Variants in GALNT13 observed in about 807,000 individuals in gnomAD.
The protein encoded by GALNT13 is polypeptide N-acetylgalactosaminyltransferase 13, also known as UDP-GalNAc:polypeptide N-acetylgalactosaminyltransferase 13.
In GALNT13, 28 loss-of-function variants were observed where a neutral mutation model predicts 64.2. The ratio of observed to expected loss-of-function variants is 0.44; its 90% confidence interval spans 0.32 to 0.60. The LOEUF is 0.60. GALNT13 is among the 20% of genes least tolerant of loss of function. The pLI, the probability that GALNT13 is intolerant of heterozygous loss-of-function variation, is 0.05. For synonymous variants in GALNT13, 214 were observed against 224.6 expected, an observed-to-expected ratio of 0.95 and a Z score of 0.42; for missense variants, 577 against 669.8, an observed-to-expected ratio of 0.86 and a Z score of 1.53.
chr2:153,645,775 C>A, the GALNT13 span, among the ~76,000 whole-genome samples: 2 of 152,084 alleles, frequency 1.3e-5, no homozygotes, highest in Non-Finnish European at 2.9e-5. Flanking sequence ...TTCACAGGAT[C>A]TTCATTTTAC....
chr2:153,321,777 AGG>A, the GALNT13 span, among the ~76,000 whole-genome samples: 1 of 152,180 alleles, frequency 6.6e-6, no homozygotes, highest in African/African-American at 2.4e-5. Context: ...GGGAAGCCTC[AGG>A]GCAGTACATG....
the GALNT13 span, among the ~76,000 whole-genome samples, chr2:153,522,579 T>C: frequency 1.3e-5 from 2 of 152,176 alleles, no homozygotes; most frequent in African/African-American, 4.8e-5. Flanking sequence ...TATAGTGGTA[T>C]CTTGTTGTTT....
the GALNT13 span, among the ~76,000 whole-genome samples, chr2:153,358,079 T>G: frequency 1.3e-5 from 2 of 152,198 alleles, no homozygotes; most frequent in Non-Finnish European, 2.9e-5. Context: ...TGCTTGCAGT[T>G]CTGCAGGCTA....
At chr2:153,534,352 T>C in the GALNT13 span, among the ~76,000 whole-genome samples, 1 of 152,100 alleles carries the variant, frequency 6.6e-6, no homozygotes, top group Non-Finnish European at 1.5e-5. Flanking sequence ...GGTCTCAGTT[T>C]TTTTTCATAG....
chr2:153,621,749 A>C, the GALNT13 span, among the ~76,000 whole-genome samples: 1 of 152,076 alleles, frequency 6.6e-6, no homozygotes, highest in Non-Finnish European at 1.5e-5. Flanking sequence ...CACAGAGAGT[A>C]CTGCCAGATT....
At chr2:154,059,951 A>G (rs11890278) in intron 3 of GALNT13, among the ~76,000 whole-genome samples, 57,138 of 152,000 alleles carry the variant, frequency 0.38, 11,246 homozygotes, top group Middle Eastern at 0.6. Flanking sequence ...TCCAAAATTC[A>G]TATGTTGAAA....
chr2:154,366,952 A>G (rs1697397902), intron 9 of GALNT13, among the ~76,000 whole-genome samples: 1 of 152,188 alleles, frequency 6.6e-6, no homozygotes, highest in Non-Finnish European at 1.5e-5. Context: ...TATGAATGAT[A>G]TGTAAAGGAA....
intron 4 of GALNT13, among the ~76,000 whole-genome samples, chr2:154,226,838 T>C (rs959253667): frequency 7.2e-5 from 11 of 152,294 alleles, no homozygotes; most frequent in African/African-American, 2.6e-4. Context: ...ATTCATGATA[T>C]TCAATTTCAG....
intron 4 of GALNT13, among the ~76,000 whole-genome samples, chr2:154,149,293 G>C (rs1244500128): frequency 6.6e-6 from 1 of 152,132 alleles, no homozygotes; most frequent in African/African-American, 2.4e-5. Flanking sequence ...CTATATCTCT[G>C]TTTTGATACC....
chr2:153,994,570 CA>C (rs1460622703), intron 3 of GALNT13, among the ~76,000 whole-genome samples: 1 of 152,166 alleles, frequency 6.6e-6, no homozygotes, highest in Non-Finnish European at 1.5e-5. Flanking sequence ...ACATCCTCTC[CA>C]GCACCTGTTG....
the GALNT13 span, among the ~76,000 whole-genome samples, chr2:153,430,156 G>T: frequency 6.6e-6 from 1 of 152,100 alleles, no homozygotes; most frequent in Non-Finnish European, 1.5e-5. Context: ...TACAGAGATA[G>T]CAACATGGAC....
At chr2:154,013,760 G>A (rs1257136276) in intron 3 of GALNT13, among the ~76,000 whole-genome samples, 2 of 152,134 alleles carry the variant, frequency 1.3e-5, no homozygotes, top group Non-Finnish European at 2.9e-5. Context: ...GCAGCGGTGG[G>A]GCAGTGGGGT....
At chr2:154,290,197 A>G (rs548114812) in intron 8 of GALNT13, among the ~76,000 whole-genome samples, 1 of 152,174 alleles carries the variant, frequency 6.6e-6, no homozygotes, top group African/African-American at 2.4e-5. Context: ...TGGAAGTCTC[A>G]CACCCTCCTA....
chr2:153,592,081 T>A, the GALNT13 span, among the ~76,000 whole-genome samples: 28 of 149,314 alleles, frequency 1.9e-4, no homozygotes, highest in Admixed American at 1.8e-3. Context: ...TATATATATA[T>A]AAAATGCTCA....
the GALNT13 span, among the ~76,000 whole-genome samples, chr2:153,609,313 G>A: frequency 2.1e-3 from 317 of 152,186 alleles, 3 homozygotes; most frequent in South Asian, 8.7e-3. Context: ...GACAAAGGAC[G>A]TTTGTATCTA....
At chr2:154,345,960 A>C (rs1166072607) in intron 9 of GALNT13, among the ~76,000 whole-genome samples, 1 of 152,066 alleles carries the variant, frequency 6.6e-6, no homozygotes, top group Non-Finnish European at 1.5e-5. Flanking sequence ...TCTCTATTCA[A>C]AATTTCCATT....
At chr2:153,991,551 A>G (rs1039168023) in intron 3 of GALNT13, among the ~76,000 whole-genome samples, 21 of 152,124 alleles carry the variant, frequency 1.4e-4, no homozygotes. Context: ...AAAAATATAT[A>G]ATGAACCATC....
chr2:153,978,418 G>T (rs1010901973), intron 3 of GALNT13, among the ~76,000 whole-genome samples: 1 of 152,046 alleles, frequency 6.6e-6, no homozygotes, highest in African/African-American at 2.4e-5. Context: ...GATATGGTTT[G>T]GCTGTGTCCC....
At chr2:154,046,861 G>A (rs1699316767) in intron 3 of GALNT13, among the ~76,000 whole-genome samples, 1 of 152,100 alleles carries the variant, frequency 6.6e-6, no homozygotes, top group Admixed American at 6.6e-5. Context: ...CAAACCTGCT[G>A]ACACCTGGAT....
Sources: allele counts gnomAD v4.1 joint callset (sites outside exome capture counted in the v4.1 genomes callset), GRCh38; gene constraint gnomAD v4.1.1; transcripts MANE v1.5; gene names NCBI Gene and HGNC (gene_info 2026-07-23, HGNC 2026-07-21).